Variants in SLC25A21 observed in about 807,000 individuals in gnomAD.
SLC25A21 encodes the protein mitochondrial 2-oxodicarboxylate carrier.
A neutral mutation model predicts 43.8 loss-of-function variants in SLC25A21; 47 were observed. That is an observed-to-expected ratio of 1.07 (90% CI 0.85 to 1.37). The LOEUF (loss-of-function observed/expected upper bound fraction) is 1.37. Ranked by LOEUF, SLC25A21 falls within the 40% of genes most tolerant of loss-of-function variation. SLC25A21 has a pLI of 0.00. For synonymous variants in SLC25A21, 131 were observed against 121.3 expected, an observed-to-expected ratio of 1.08 and a Z score of -0.52; for missense variants, 352 against 350.2, an observed-to-expected ratio of 1.00 and a Z score of -0.04.
chr14:36,801,467 T>G (rs564739168), intron 3 of SLC25A21, among the ~76,000 whole-genome samples: 1 of 152,284 alleles, frequency 6.6e-6, no homozygotes, highest in Admixed American at 6.5e-5. Flanking sequence ...CCCACAAGAC[T>G]TAGCAAAGCC....
At position 36,678,378 on chromosome 14, in the gene SLC25A21, G is replaced by C. The variant is rs1882008292; in HGVS notation, c.*2280C>G. ...ACCGAAATTCAGTGCTACAAATAGAGGATTATAACTTCAGGAGAAGAATAA... is the reference window on the plus strand; with the variant it reads ...ACCGAAATTCAGTGCTACAAATAGACGATTATAACTTCAGGAGAAGAATAA... On this transcript the variant is annotated 3_prime_UTR_variant, in exon 10 of 10. Transcript: ENST00000331299. 1.0e-6 allele frequency: 1 copy of C among 985,668 alleles called. No homozygotes were observed. The highest frequency in any genetic ancestry group is 1.6e-5 in the African/African-American group (1 of 61,830). The allele number at this position is 985,668 out of a possible 1,614,324, so 61.1% of individuals were successfully genotyped here.
At chr14:37,083,419 A>G (rs2138841068) in intron 1 of SLC25A21, among the ~76,000 whole-genome samples, 1 of 152,316 alleles carries the variant, frequency 6.6e-6, no homozygotes, top group East Asian at 1.9e-4. Context: ...TAACAACAAT[A>G]ACAATAACAC....
At chr14:37,064,852 T>C (rs1300296758) in intron 1 of SLC25A21, among the ~76,000 whole-genome samples, 1 of 152,196 alleles carries the variant, frequency 6.6e-6, no homozygotes, top group Non-Finnish European at 1.5e-5. Context: ...AGACAAGGCA[T>C]GCATATTCTC....
At chr14:37,142,314 C>G (rs965663883) in intron 1 of SLC25A21, among the ~76,000 whole-genome samples, 2 of 152,154 alleles carry the variant, frequency 1.3e-5, no homozygotes, top group African/African-American at 4.8e-5. Flanking sequence ...AGAGTGGTAG[C>G]TCTTCATCAC....
chr14:37,102,405 T>G (rs564532421), intron 1 of SLC25A21, among the ~76,000 whole-genome samples: 2 of 150,190 alleles, frequency 1.3e-5, no homozygotes, highest in South Asian at 4.2e-4. Context: ...ATCATGCCAA[T>G]GCACTCCAGC....
intron 1 of SLC25A21, among the ~76,000 whole-genome samples, chr14:37,048,305 C>T (rs1215140286): frequency 6.6e-6 from 1 of 152,020 alleles, no homozygotes; most frequent in Non-Finnish European, 1.5e-5. Context: ...TCCTAGTGGC[C>T]ATGTCATTTT....
chr14:36,880,432 C>T (rs978436282), intron 1 of SLC25A21, among the ~76,000 whole-genome samples: 1 of 152,174 alleles, frequency 6.6e-6, no homozygotes, highest in Non-Finnish European at 1.5e-5. Context: ...AACTCTGAAA[C>T]AGGAGCTCCC....
At chr14:37,012,263 T>G (rs2138740801) in intron 1 of SLC25A21, among the ~76,000 whole-genome samples, 1 of 152,302 alleles carries the variant, frequency 6.6e-6, no homozygotes, top group Admixed American at 6.5e-5. Flanking sequence ...GTTCTAAAAT[T>G]TAGGAATAAA....
In SLC25A21 at chr14:36,679,404, A is replaced by G. The variant is rs567055094; in HGVS notation, c.*1254T>C. 2.5e-5 allele frequency: 25 copies of G among 983,312 alleles called. 1 individual carries two copies. The South Asian group carries it at 1.1e-3, about 44-fold the overall frequency. 60.9% of individuals were successfully genotyped at this position (983,312 alleles called of 1,614,324 possible). ...TTTTTATTTTCAAAATGCTTTAGTG[A>G]AATAGCCCCGTAGTAGAAATAGCCC... is the stretch of plus-strand genomic sequence containing the variant. On this transcript the variant is annotated 3_prime_UTR_variant, in exon 10 of 10. Transcript: ENST00000331299.
chr14:36,822,572 A>G (rs1888673715), intron 2 of SLC25A21, among the ~76,000 whole-genome samples: 1 of 152,230 alleles, frequency 6.6e-6, no homozygotes, highest in African/African-American at 2.4e-5. Context: ...ATTTGAAAAA[A>G]TATGTAACCT....
At chr14:36,791,796 T>A (rs1161031426) in intron 3 of SLC25A21, among the ~76,000 whole-genome samples, 1 of 151,984 alleles carries the variant, frequency 6.6e-6, no homozygotes, top group Non-Finnish European at 1.5e-5. Flanking sequence ...GGTGAGAAAA[T>A]GATGTGATAT....
chr14:37,043,539 C>A (rs1961519019), intron 1 of SLC25A21, among the ~76,000 whole-genome samples: 1 of 152,166 alleles, frequency 6.6e-6, no homozygotes, highest in Admixed American at 6.5e-5. Flanking sequence ...CTTAAACTTT[C>A]CCAGTTGCCT....
intron 1 of SLC25A21, among the ~76,000 whole-genome samples, chr14:36,954,424 T>C (rs1308219321): frequency 1.3e-5 from 2 of 152,174 alleles, no homozygotes; most frequent in East Asian, 1.9e-4. Context: ...CTTCCCAACG[T>C]CCTTGCTGAT....
chr14:36,846,887 T>A (rs1179596004), intron 2 of SLC25A21, among the ~76,000 whole-genome samples: 1 of 152,190 alleles, frequency 6.6e-6, no homozygotes, highest in Non-Finnish European at 1.5e-5. Context: ...GGTCTTAGTC[T>A]CTTTCCACAA....
At chr14:36,797,902 C>T (rs971705053) in intron 3 of SLC25A21, among the ~76,000 whole-genome samples, 1 of 152,156 alleles carries the variant, frequency 6.6e-6, no homozygotes, top group Admixed American at 6.6e-5. Flanking sequence ...AGCTGTCAGT[C>T]CTCAATAAAC....
At chr14:37,111,971 G>C (rs1963027555) in intron 1 of SLC25A21, among the ~76,000 whole-genome samples, 1 of 152,154 alleles carries the variant, frequency 6.6e-6, no homozygotes. Context: ...TCAATAAATT[G>C]TTTTGCACCA....
chr14:36,731,215 C>T (rs1248027787), intron 4 of SLC25A21, among the ~76,000 whole-genome samples: 3 of 152,244 alleles, frequency 2.0e-5, no homozygotes, highest in African/African-American at 4.8e-5. Flanking sequence ...CCTCGTGATC[C>T]GACCGCCTCG....
At chr14:36,858,590 T>C (rs1889973755) in intron 2 of SLC25A21, among the ~76,000 whole-genome samples, 1 of 152,148 alleles carries the variant, frequency 6.6e-6, no homozygotes, top group Non-Finnish European at 1.5e-5. Flanking sequence ...TTCTGACCCC[T>C]GACCTCTCCC....
intron 1 of SLC25A21, among the ~76,000 whole-genome samples, chr14:37,137,489 A>G (rs937598633): frequency 6.6e-6 from 1 of 152,220 alleles, no homozygotes; most frequent in Non-Finnish European, 1.5e-5. Flanking sequence ...CATAGATACC[A>G]GCTGATTTTC....
Sources: gnomAD v4.1 joint callset for allele counts (sites outside exome capture counted in the v4.1 genomes callset) on GRCh38, gnomAD v4.1.1 for gene constraint, MANE v1.5 for transcripts, NCBI Gene and HGNC (gene_info 2026-07-23, HGNC 2026-07-21) for gene names.